Variants in XRN1 observed in about 807,000 individuals in gnomAD.
XRN1 encodes 5'-3' exoribonuclease 1, also known as strand-exchange protein 1 homolog.
XRN1 carries 67 observed loss-of-function variants against 222.3 expected under a neutral mutation model. The observed-to-expected ratio is 0.30, with a 90% CI of 0.25 to 0.37. XRN1 has a LOEUF of 0.37. XRN1 is among the 10% of genes least tolerant of loss of function. XRN1 has a pLI of 1.00. For missense variants in XRN1, 1,707 were observed against 2,000.2 expected, an observed-to-expected ratio of 0.85 and a Z score of 2.80; for synonymous variants, 643 against 652.4, an observed-to-expected ratio of 0.99 and a Z score of 0.22.
At chr3:142,313,326 A>G in intron 39 of XRN1, 1 of 842,104 alleles carries the variant, frequency 1.2e-6, no homozygotes, top group Non-Finnish European at 1.9e-6. Context: ...AATGGGTGCC[A>G]AATCTAATTT....
rs578170556 is a variant in XRN1, at chr3:142,441,692, C to G, written c.75+6178G>C. Among the ~76,000 whole-genome samples the G allele has an allele frequency of 3.8e-4, 58 of 152,304 alleles. 1 individual carries two copies. In the South Asian group the frequency reaches 0.012, roughly 30 times the overall value. ...AGGAGACTTGTGGCTCTCAGACAAC[C>G]ATTTACTTAAATATCAGGCTCTATT... On this transcript the variant is annotated intron_variant, in intron 1 of 40. Transcript: ENST00000392981.
intron 39 of XRN1, among the ~76,000 whole-genome samples, chr3:142,316,214 CTTTTTTTTTT>C (rs377522108): frequency 1.8e-5 from 2 of 111,842 alleles, no homozygotes; most frequent in African/African-American, 3.4e-5. Context: ...TCATTATCTT[CTTTTTTTTTT>C]TTTTTTTTTT....
chr3:142,409,745 C>A (rs1006664048), intron 15 of XRN1, among the ~76,000 whole-genome samples: 2 of 152,136 alleles, frequency 1.3e-5, no homozygotes, highest in Admixed American at 1.3e-4. Context: ...TTGAGGAGGA[C>A]GTACACCTTA....
intron 27 of XRN1, among the ~76,000 whole-genome samples, 166 bp downstream of exon 27, chr3:142,370,319 G>C (rs1347080877): frequency 2.0e-5 from 3 of 152,120 alleles, no homozygotes; most frequent in Non-Finnish European, 4.4e-5. Context: ...GCTACTAAAA[G>C]CTACTATAAA....
chr3:142,399,454 A>G (rs2068047585), intron 19 of XRN1, among the ~76,000 whole-genome samples: 1 of 152,136 alleles, frequency 6.6e-6, no homozygotes, highest in Non-Finnish European at 1.5e-5. Context: ...AAAATGGATT[A>G]CTGATTTCAT....
chr3:142,342,129 C>G (rs578079928), intron 33 of XRN1, among the ~76,000 whole-genome samples: 5 of 152,074 alleles, frequency 3.3e-5, no homozygotes, highest in Admixed American at 2.6e-4. Context: ...AATCAACATA[C>G]AAAAATCAGT....
chr3:142,413,094 G>A (rs1008527722), intron 14 of XRN1, among the ~76,000 whole-genome samples: 1 of 152,020 alleles, frequency 6.6e-6, no homozygotes, highest in African/African-American at 2.4e-5. Flanking sequence ...ATTAAGTAAT[G>A]TAACATCCAA....
At chr3:142,344,495 T>C (rs2066084693) in intron 33 of XRN1, among the ~76,000 whole-genome samples, 2 of 152,086 alleles carry the variant, frequency 1.3e-5, no homozygotes, top group African/African-American at 4.8e-5. Context: ...TAAAAGGCAT[T>C]GAGATTATAT....
rs1345004830 is a variant in XRN1 at position 142,313,314 on chromosome 3, C to G, written c.4622-556G>C. The G allele has an allele frequency of 8.0e-6, 7 of 879,246 alleles. No homozygotes were observed. In the East Asian group the frequency reaches 1.7e-4, roughly 22 times the overall value. The allele number at this position is 879,246 out of a possible 1,614,324, so 54.5% of individuals were successfully genotyped here. On this transcript the variant is annotated intron_variant, in intron 39 of 40. Transcript: ENST00000392981. ...GTTTGTTTATTAAAAATGTAATGAA[C>G]CAATGGGTGCCAAATCTAATTTGTA... is the stretch of plus-strand genomic sequence containing the variant.
chr3:142,315,364 G>A (rs1443485413), intron 39 of XRN1, among the ~76,000 whole-genome samples: 1 of 151,980 alleles, frequency 6.6e-6, no homozygotes, highest in African/African-American at 2.4e-5. Context: ...CCAAAGTGCT[G>A]GGATTACAAG....
chr3:142,430,795 C>T lies in XRN1; in HGVS notation c.308+1866G>A, dbSNP rs528019724. On this transcript the variant is annotated intron_variant, in intron 2 of 40. Transcript: ENST00000392981. ...TCAATTCTAACCTTTACTTCTGTTACCCATGAACCGGGACACAGCCTGATC... is the reference window on the plus strand; with the variant it reads ...TCAATTCTAACCTTTACTTCTGTTATCCATGAACCGGGACACAGCCTGATC... 7.9e-5 allele frequency among the ~76,000 whole-genome samples: 12 copies of T among 152,324 alleles called. No individual in the cohort carries two copies. In the East Asian group the frequency reaches 2.3e-3, roughly 29 times the overall value.
intron 30 of XRN1, 50 bp downstream of exon 30, chr3:142,359,812 G>A: frequency 7.4e-7 from 1 of 1,355,764 alleles, no homozygotes; most frequent in Non-Finnish European, 1.0e-6. Context: ...TAAAGTCACT[G>A]GCCACATGAA....
At chr3:142,321,507 T>C (rs1425858609) in intron 37 of XRN1, among the ~76,000 whole-genome samples, 1 of 152,238 alleles carries the variant, frequency 6.6e-6, no homozygotes, top group African/African-American at 2.4e-5. Flanking sequence ...CTCTCTGTTC[T>C]ATTCCATTGG....
intron 40 of XRN1, among the ~76,000 whole-genome samples, chr3:142,312,226 G>A (rs561398849): frequency 2.0e-5 from 3 of 152,050 alleles, no homozygotes; most frequent in Non-Finnish European, 4.4e-5. Flanking sequence ...GCAGGGAGTC[G>A]AGATTGTGCA....
Position 142,396,635 on chromosome 3 carries a change from G to T in XRN1, c.2339+694C>A, listed in dbSNP as rs576336293. Among the ~76,000 whole-genome samples the T allele has an allele frequency of 4.6e-5, 7 of 152,300 alleles. No individual in the cohort carries two copies. The East Asian group carries it at 1.3e-3, about 29-fold the overall frequency. ...TTCATCTTTGAATAAGGATATTGTG[G>T]CCTGGTATTAGCCCCAAAATTAGAA... On this transcript the variant is annotated intron_variant, in intron 20 of 40. Coordinates refer to ENST00000392981, the MANE Select transcript of XRN1 (RefSeq NM_001282857.2).
Position 142,355,488 on chromosome 3 carries a change from A to G in XRN1, c.3681T>C (p.Thr1227=), listed in dbSNP as rs760662330. 6 of 1,588,710 alleles carry G rather than the reference A, an allele frequency of 3.8e-6. No homozygotes were observed. Among genetic ancestry groups the G allele is most frequent in the Non-Finnish European group, 5.2e-6 (6 of 1,164,940 alleles). The change falls in exon 32 of 41, where the codon ACT becomes ACC. Residue 1227 remains threonine, a synonymous_variant. Transcript: ENST00000392981. ...QSLFVPTQVP[T]KDDDEFCNIW... is the part of the protein sequence containing the mutation. ...TGTTGCAGAATTCATCATCATCTTT[A>G]GTAGGTACCTAGCAAAGTACAAACA...
intron 23 of XRN1, among the ~76,000 whole-genome samples, chr3:142,378,262 T>G (rs2067200518): frequency 6.6e-6 from 1 of 152,230 alleles, no homozygotes; most frequent in Non-Finnish European, 1.5e-5. Context: ...AAATGCAATT[T>G]TCCAATATTC....
intron 2 of XRN1, among the ~76,000 whole-genome samples, chr3:142,431,908 A>AT (rs1454771935): frequency 0.17 from 8,528 of 48,968 alleles, 1,069 homozygotes; most frequent in African/African-American, 0.31. Context: ...TATATTATAT[A>AT]TATAAATATA....
rs148280987 is a variant in XRN1, at chr3:142,426,945, C to A, written c.309-104G>T. ...CCTTTATAACTAAAATAGTAATTCACCAGTTTTAACGTTCAAAACATACAA... is the reference window on the plus strand; with the variant it reads ...CCTTTATAACTAAAATAGTAATTCAACAGTTTTAACGTTCAAAACATACAA... On this transcript the variant is annotated intron_variant, in intron 2 of 40. Coordinates refer to ENST00000392981, the MANE Select transcript of XRN1 (RefSeq NM_001282857.2). 6.9e-4 allele frequency: 530 copies of A among 773,360 alleles called. 1 individual carries two copies. Among genetic ancestry groups the A allele is most frequent in the Non-Finnish European group, 9.4e-4 (445 of 475,552 alleles). The allele number at this position is 773,360 out of a possible 1,614,324, so 47.9% of individuals were successfully genotyped here.
Sources: gnomAD v4.1 joint callset for allele counts (sites outside exome capture counted in the v4.1 genomes callset) on GRCh38, gnomAD v4.1.1 for gene constraint, MANE v1.5 for transcripts, NCBI Gene and HGNC (gene_info 2026-07-23, HGNC 2026-07-21) for gene names.